Variants in ANO10 observed in about 807,000 individuals in gnomAD.
ANO10 encodes the protein anoctamin-10.
Under a neutral mutation model 74.7 loss-of-function variants are expected in ANO10, and 77 were observed. The observed-to-expected ratio is 1.03, with a 90% confidence interval of 0.86 to 1.25. ANO10 has a LOEUF of 1.25. Among genes scored for constraint, ANO10 ranks in the 50% most tolerant of loss-of-function variants. The pLI is 0.00. For synonymous variants in ANO10, 279 were observed against 284.9 expected (o/e 0.98, Z 0.21); for missense variants, 721 against 778.1 (o/e 0.93, Z 0.87).
At position 43,600,522 on chromosome 3, in the gene ANO10, G is replaced by C. The variant is rs2082294616; in HGVS notation, c.199C>G (p.Gln67Glu). ...NKYEQETLEN[Q>E]NLYLVGASKI... ...GAGGCACCAACAAGATATAAGTTCT[G>C]ATTTTCTAGTGTTTCTTGTTCATAT... The change falls in exon 3 of 13, where the codon CAG (glutamine) becomes GAG (glutamate). Residue 67 changes from glutamine (Q) to glutamate (E), a missense_variant. Transcript: ENST00000292246. The C allele has an allele frequency of 6.2e-7, 1 of 1,613,644 alleles. No individual in the cohort carries two copies. Among genetic ancestry groups the C allele is most frequent in the African/African-American group, 1.3e-5 (1 of 74,890 alleles).
chr3:43,653,619 T>C (rs2083813255), intron 1 of ANO10, among the ~76,000 whole-genome samples: 1 of 152,234 alleles, frequency 6.6e-6, no homozygotes, highest in African/African-American at 2.4e-5. Context: ...TACAAGGTTA[T>C]ATATTCTTAT....
intron 11 of ANO10, among the ~76,000 whole-genome samples, chr3:43,445,496 T>C (rs2093231706): frequency 6.6e-6 from 1 of 152,190 alleles, no homozygotes; most frequent in Non-Finnish European, 1.5e-5. Context: ...TTATCATATA[T>C]ATTTATCCCA....
At chr3:43,474,835 T>G (rs2076004208) in intron 11 of ANO10, among the ~76,000 whole-genome samples, 2 of 152,236 alleles carry the variant, frequency 1.3e-5, no homozygotes, top group Non-Finnish European at 2.9e-5. Context: ...ATCTATCTAA[T>G]CTAGTCAAGA....
intron 1 of ANO10, among the ~76,000 whole-genome samples, chr3:43,638,318 T>A (rs961303585): frequency 6.6e-6 from 1 of 152,204 alleles, no homozygotes; most frequent in African/African-American, 2.4e-5. Context: ...TACAAAAAGT[T>A]AAGAAGAGAA....
chr3:43,606,072 T>G (rs1316627031), intron 1 of ANO10, among the ~76,000 whole-genome samples: 1 of 152,184 alleles, frequency 6.6e-6, no homozygotes, highest in Non-Finnish European at 1.5e-5. Context: ...GCCATCCTTT[T>G]CTATAAGCAG....
intron 1 of ANO10, among the ~76,000 whole-genome samples, chr3:43,621,496 C>A (rs2083390078): frequency 6.6e-6 from 1 of 152,000 alleles, no homozygotes; most frequent in Non-Finnish European, 1.5e-5. Context: ...TTCTAAAAAC[C>A]ACCCTTCACT....
intron 9 of ANO10, among the ~76,000 whole-genome samples, chr3:43,556,142 C>T (rs1453164051): frequency 1.3e-5 from 2 of 152,142 alleles, no homozygotes; most frequent in Admixed American, 6.5e-5. Flanking sequence ...TAAATATACC[C>T]AGTGACATTG....
At chr3:43,657,186 A>G (rs1338509683) in intron 1 of ANO10, among the ~76,000 whole-genome samples, 1 of 152,170 alleles carries the variant, frequency 6.6e-6, no homozygotes, top group Non-Finnish European at 1.5e-5. Flanking sequence ...TGAAACTTCT[A>G]TTTTTGTTTA....
At chr3:43,449,047 T>C (rs375186736) in intron 11 of ANO10, among the ~76,000 whole-genome samples, 4 of 151,998 alleles carry the variant, frequency 2.6e-5, no homozygotes, top group African/African-American at 9.7e-5. Context: ...TGCCTAAGTT[T>C]TGTATTTTTA....
chr3:43,618,355 G>A (rs1295727322), intron 1 of ANO10, among the ~76,000 whole-genome samples: 2 of 152,152 alleles, frequency 1.3e-5, no homozygotes, highest in Non-Finnish European at 2.9e-5. Context: ...ACTGAGTCTA[G>A]CCATGGAAGC....
intron 1 of ANO10, among the ~76,000 whole-genome samples, chr3:43,688,241 C>T (rs751348495): frequency 5.9e-5 from 9 of 152,124 alleles, no homozygotes; most frequent in Non-Finnish European, 8.8e-5. Context: ...AAGACCAAAG[C>T]GCTACAGGAG....
intron 11 of ANO10, among the ~76,000 whole-genome samples, chr3:43,494,929 T>TA (rs553489215): frequency 2.0e-4 from 30 of 151,874 alleles, no homozygotes; most frequent in Admixed American, 7.9e-4. Flanking sequence ...AAAGTTTATA[T>TA]AAAAAAAATA....
intron 11 of ANO10, among the ~76,000 whole-genome samples, chr3:43,454,308 C>T (rs930039560): frequency 2.6e-5 from 4 of 152,156 alleles, no homozygotes; most frequent in Non-Finnish European, 4.4e-5. Flanking sequence ...TTTCAAAAGT[C>T]ATAGTGAGGA....
At chr3:43,658,177 A>AG (rs2083878280) in intron 1 of ANO10, among the ~76,000 whole-genome samples, 2 of 151,306 alleles carry the variant, frequency 1.3e-5, no homozygotes, top group African/African-American at 4.9e-5. Context: ...TTGCTTCTTT[A>AG]GAGAAATTAA....
chr3:43,583,330 T>C (rs1220283943), intron 4 of ANO10, among the ~76,000 whole-genome samples: 3 of 152,100 alleles, frequency 2.0e-5, no homozygotes, highest in Non-Finnish European at 4.4e-5. Flanking sequence ...CATGATGCCA[T>C]GTGGGCCTAT....
chr3:43,606,601 C>T (rs930760651), intron 1 of ANO10, among the ~76,000 whole-genome samples: 3 of 151,008 alleles, frequency 2.0e-5, no homozygotes, highest in Non-Finnish European at 2.9e-5. Flanking sequence ...AAGGATAGCT[C>T]GGGGTTAAAT....
chr3:43,607,650 CAGGAGAAA>C (rs1181240377), intron 1 of ANO10, among the ~76,000 whole-genome samples: 1 of 152,080 alleles, frequency 6.6e-6, no homozygotes, highest in East Asian at 1.9e-4. Flanking sequence ...TCATCTCAAT[CAGGAGAAA>C]AGTTACTACG....
chr3:43,498,560 G>A (rs1564434), intron 11 of ANO10, among the ~76,000 whole-genome samples: 74,884 of 151,982 alleles, frequency 0.49, 20,588 homozygotes, highest in East Asian at 0.83. Flanking sequence ...ACCACCTCCC[G>A]TGGCTTTCAA....
chr3:43,437,278 A>C (rs769854069), intron 11 of ANO10, among the ~76,000 whole-genome samples: 1 of 152,192 alleles, frequency 6.6e-6, no homozygotes, highest in Non-Finnish European at 1.5e-5. Context: ...AGGTAAAGGC[A>C]GGTACTCTCA....
Sources: allele counts gnomAD v4.1 joint callset (sites outside exome capture counted in the v4.1 genomes callset), GRCh38; gene constraint gnomAD v4.1.1; transcripts MANE v1.5; gene names NCBI Gene and HGNC (gene_info 2026-07-23, HGNC 2026-07-21).